The following GOT1L1 variants were observed in gnomAD, a reference collection of about 807,000 sequenced individuals.
GOT1L1 encodes the protein aspartate aminotransferase, cytoplasmic 2.
A neutral mutation model predicts 43.6 loss-of-function variants in GOT1L1; 38 were observed. That is an observed-to-expected ratio of 0.87 (90% CI 0.67 to 1.14). The LOEUF is 1.14. Ranked by LOEUF, GOT1L1 falls within the 50% of genes most tolerant of loss-of-function variation. The probability of loss-of-function intolerance (pLI) is 0.00; values close to 1 mark genes in which losing one functional copy is unlikely to be tolerated. For synonymous variants in GOT1L1, 183 were observed against 187.2 expected, an observed-to-expected ratio of 0.98 and a Z score of 0.18; for missense variants, 482 against 504.0, an observed-to-expected ratio of 0.96 and a Z score of 0.42.
In GOT1L1 at chr8:37,937,634, T is replaced by C. The variant is rs779644061; in HGVS notation, c.409+4A>G. ...CTGTTCCCCTCATCTTGGGTAAGAC[T>C]AACCTTTTTGAGAAGAGATGATGTA... is the stretch of plus-strand genomic sequence containing the variant. On this transcript the variant is annotated splice_donor_region_variant and intron_variant, in intron 3 of 8. Coordinates refer to ENST00000307599, the MANE Select transcript of GOT1L1 (RefSeq NM_152413.3). 1.3e-6 allele frequency: 2 copies of C among 1,593,230 alleles called. No individual in the cohort carries two copies.
At chr8:37,939,103 A>T in intron 1 of GOT1L1, 1 of 454,502 alleles carries the variant, frequency 2.2e-6, no homozygotes, top group South Asian at 2.1e-5. Context: ...ACTGAAACCT[A>T]TGCCATTTTA....
chr8:37,934,704 A>G (rs1807697867), intron 8 of GOT1L1, among the ~76,000 whole-genome samples: 1 of 152,030 alleles, frequency 6.6e-6, no homozygotes, highest in South Asian at 2.1e-4. Context: ...CCAAGTAGCT[A>G]TGATTACAGG....
chr8:37,940,050 C>A lies in GOT1L1; in HGVS notation c.-21G>T, dbSNP rs760006352. The A allele has an allele frequency of 1.9e-6, 3 of 1,606,284 alleles. No homozygotes were observed. The East Asian group carries it at 6.7e-5, about 36-fold the overall frequency. On this transcript the variant is annotated 5_prime_UTR_variant, in exon 1 of 9. Coordinates refer to ENST00000307599, the MANE Select transcript of GOT1L1 (RefSeq NM_152413.3). The stretch of plus-strand genomic sequence containing the variant: ...GGCATAACTGAAACGAAACTGGAGC[C>A]AAGACTATGTGTCTCTGCTCCTGTG...
At chr8:37,937,905 G>A (rs905455135) in intron 2 of GOT1L1, among the ~76,000 whole-genome samples, 156 bp from the exon 3 acceptor site, 2 of 152,054 alleles carry the variant, frequency 1.3e-5, no homozygotes, top group Admixed American at 1.3e-4. Flanking sequence ...GCCGGATGTG[G>A]TGTTGGGCAT....
chr8:37,938,617 G>T, intron 2 of GOT1L1, 83 bp downstream of exon 2: 2 of 1,295,000 alleles, frequency 1.5e-6, no homozygotes, highest in Non-Finnish European at 2.1e-6. Context: ...GCCCTCCGAG[G>T]TCCCCTTCGG....
chr8:37,936,055 A>G (rs1200918814), intron 6 of GOT1L1, among the ~76,000 whole-genome samples, 186 bp from the exon 7 acceptor site: 1 of 152,238 alleles, frequency 6.6e-6, no homozygotes, highest in Non-Finnish European at 1.5e-5. Context: ...AAAAGTACCC[A>G]TAAGTCAGAG....
intron 2 of GOT1L1, among the ~76,000 whole-genome samples, chr8:37,938,094 A>G (rs1807812801): frequency 1.3e-5 from 2 of 151,800 alleles, no homozygotes; most frequent in African/African-American, 4.8e-5. Flanking sequence ...AGACAGAAAT[A>G]ACACTCTAAA....
intron 2 of GOT1L1, 74 bp downstream of exon 2, chr8:37,938,626 G>C: frequency 7.3e-7 from 1 of 1,374,566 alleles, no homozygotes; most frequent in Non-Finnish European, 9.8e-7. Flanking sequence ...GGTCCCCTTC[G>C]GGTTTAAGGT....
rs766406674 is a variant in GOT1L1, at chr8:37,935,222, A to G, written c.930-7T>C. The G allele has an allele frequency of 1.9e-6, 3 of 1,583,340 alleles. No individual in the cohort carries two copies. The highest frequency in any genetic ancestry group is 2.3e-5 in the South Asian group (2 of 86,918). ...TTCTTTTAGACTCTGCTTCCTACCA[A>G]GGAAGGACAATGAGAAAGGAGGGTG... On this transcript the variant is annotated splice_polypyrimidine_tract_variant and splice_region_variant and intron_variant, in intron 7 of 8. Coordinates refer to ENST00000307599, the MANE Select transcript of GOT1L1 (RefSeq NM_152413.3).
chr8:37,935,747 C>A lies in GOT1L1; in HGVS notation c.886G>T (p.Val296Phe). 1.2e-6 allele frequency: 2 copies of A among 1,610,610 alleles called. No homozygotes were observed. The highest frequency in any genetic ancestry group is 1.7e-6 in the Non-Finnish European group (2 of 1,178,416). The change falls in exon 7 of 9, where the codon GTC becomes TTC. Residue 296 changes from valine to phenylalanine, a missense_variant. By Grantham distance (50) the Val-to-Phe change is conservative (BLOSUM62 -1). Coordinates refer to ENST00000307599, the MANE Select transcript of GOT1L1 (RefSeq NM_152413.3). ...WLNPPNTGAR[V>F]ITSILCNPAL... is the part of the protein sequence containing the mutation. ...GGGTTGCAGAGGATGGAGGTGATGACACGTGCACCCGTGTTGGGGGGGTTT... is the reference window on the plus strand; with the variant it reads ...GGGTTGCAGAGGATGGAGGTGATGAAACGTGCACCCGTGTTGGGGGGGTTT...
chr8:37,937,335 G>C lies in GOT1L1; in HGVS notation c.461C>G (p.Ser154Cys), dbSNP rs774701711. 3 of 1,611,024 alleles carry C rather than the reference G, an allele frequency of 1.9e-6. No homozygotes were observed. The highest frequency in any genetic ancestry group is 2.5e-6 in the Non-Finnish European group (3 of 1,178,768). Residue 154 changes from serine (S) to cysteine (C), a missense_variant, in exon 4 of 9, where the codon TCT becomes TGT. Ser to Cys is a moderately radical substitution (Grantham distance 112). Coordinates refer to ENST00000307599, the MANE Select transcript of GOT1L1 (RefSeq NM_152413.3). The part of the protein sequence containing the change: ...QDMGFTVYEY[S>C]VWDPKKLCMD... ...GCATAGCTTCTTGGGGTCCCAGACA[G>C]AGTATTCATAAACTGTAAAGCCCAT...
At chr8:37,934,566 T>C in intron 8 of GOT1L1, 80 bp from the exon 9 acceptor site, 1 of 1,021,272 alleles carries the variant, frequency 9.8e-7, no homozygotes, top group Non-Finnish European at 1.5e-6. Context: ...TATTTTCTTA[T>C]TTTTTTATTG....
At chr8:37,939,486 T>G (rs1297330764) in intron 1 of GOT1L1, among the ~76,000 whole-genome samples, 2 of 108,666 alleles carry the variant, frequency 1.8e-5, no homozygotes, top group Admixed American at 1.0e-4. Context: ...AAAATGAGAG[T>G]TATAGGTAGA....
chr8:37,936,921 CAG>C, intron 5 of GOT1L1, 42 bp downstream of exon 5: 5 of 1,610,662 alleles, frequency 3.1e-6, no homozygotes, highest in Non-Finnish European at 4.2e-6. Context: ...GAGGAGAGAG[CAG>C]AGAGTCAAAG....
At chr8:37,935,292 C>G (rs1324724545) in intron 7 of GOT1L1, 77 bp from the exon 8 acceptor site, 2 of 1,381,392 alleles carry the variant, frequency 1.4e-6, no homozygotes, top group East Asian at 5.0e-5. Context: ...CCAGTCCACT[C>G]TTCTTACCTT....
In GOT1L1 at chr8:37,937,320, T is replaced by C. The variant is rs756004933; in HGVS notation, c.476A>G (p.Lys159Arg). The change falls in exon 4 of 9, where the codon AAG becomes AGG. Residue 159 changes from lysine to arginine, a missense_variant. By Grantham distance (26) the Lys-to-Arg change is conservative. Transcript: ENST00000307599. ...TATGTCGGGGTCCATGCATAGCTTC[T>C]TGGGGTCCCAGACAGAGTATTCATA... ...TVYEYSVWDP[K>R]KLCMDPDILL... The C allele has an allele frequency of 3.1e-6, 5 of 1,610,526 alleles. No individual in the cohort carries two copies. The highest frequency in any genetic ancestry group is 1.7e-5 in the Admixed American group (1 of 59,270).
intron 6 of GOT1L1, 115 bp from the exon 7 acceptor site, chr8:37,935,984 T>C (rs1807740887): frequency 8.5e-7 from 1 of 1,171,362 alleles, no homozygotes; most frequent in South Asian, 1.5e-5. Context: ...AAGGCCCTCA[T>C]TGCAGCCCAG....
chr8:37,937,158 A>C, intron 4 of GOT1L1, 101 bp from the exon 5 acceptor site: 1 of 1,297,186 alleles, frequency 7.7e-7, no homozygotes, highest in South Asian at 1.2e-5. Context: ...TTACCATTGA[A>C]GGGCCAGGCA....
rs542824630 is a variant in GOT1L1 at position 37,934,354 on chromosome 8, G to T, written c.1205C>A (p.Thr402Lys). ...TEGINEAVLL[T>K]ESSEMCLPKE... ...TGGAAGACACATCTCTGAGCTCTCTGTGAGGAGGACAGCCTCATTGATGCC... is the reference window on the plus strand; with the variant it reads ...TGGAAGACACATCTCTGAGCTCTCTTTGAGGAGGACAGCCTCATTGATGCC... Residue 402 changes from threonine (T) to lysine (K), a missense_variant, in exon 9 of 9, where the codon ACA becomes AAA. Transcript: ENST00000307599. The T allele has an allele frequency of 3.4e-5, 55 of 1,613,674 alleles. No individual in the cohort carries two copies. In the South Asian group the frequency reaches 6.0e-4, roughly 18 times the overall value.
Sources: allele counts gnomAD v4.1 joint callset (sites outside exome capture counted in the v4.1 genomes callset), GRCh38; gene constraint gnomAD v4.1.1; transcripts MANE v1.5; gene names NCBI Gene and HGNC (gene_info 2026-07-23, HGNC 2026-07-21).